SYN2: variants seen among roughly 807,000 people sequenced by gnomAD.
SYN2 encodes synapsin-2.
Under a neutral mutation model 50.9 loss-of-function variants are expected in SYN2, and 19 were observed. The observed-to-expected ratio is 0.37, with a 90% confidence interval of 0.26 to 0.55. SYN2 has a LOEUF of 0.55. SYN2 is among the 20% of genes least tolerant of loss of function. The pLI is 0.81. For missense variants in SYN2, 587 were observed against 576.4 expected (o/e 1.02, Z -0.19); for synonymous variants, 255 against 224.9 (o/e 1.13, Z -1.20).
rs1466550267 is a variant in SYN2, at chr3:12,190,892, G to A, written c.*267G>A. 1.1e-5 allele frequency: 13 copies of A among 1,205,618 alleles called. 1 individual carries two copies. The highest frequency in any genetic ancestry group is 4.8e-5 in the African/African-American group (3 of 62,658). The allele number at this position is 1,205,618 out of a possible 1,614,324, so 74.7% of individuals were successfully genotyped here. On this transcript the variant is annotated 3_prime_UTR_variant, in exon 13 of 13. Coordinates refer to ENST00000621198, the MANE Select transcript of SYN2 (RefSeq NM_133625.6). ...ATGAGAGCTTCCTTCTGAAGTCATC[G>A]TTCGCTGTGAGTTTAGTGGCCTTAT...
chr3:12,118,780 A>C (rs575845953), intron 1 of SYN2, among the ~76,000 whole-genome samples: 5 of 152,332 alleles, frequency 3.3e-5, no homozygotes, highest in African/African-American at 1.2e-4. Flanking sequence ...TAAAAATATA[A>C]TGCAAATTGC....
chr3:12,030,880 C>CA (rs1222729783), intron 1 of SYN2, among the ~76,000 whole-genome samples: 1 of 134,592 alleles, frequency 7.4e-6, no homozygotes, highest in African/African-American at 2.8e-5. Context: ...CTATTTCCTT[C>CA]AGTTCTTCTC....
chr3:12,145,695 T>A lies in SYN2; in HGVS notation c.544T>A (p.Phe182Ile). ...TCTCACCAGGTCCTTCCGGCCAGAC[T>A]TCGTGCTCATCCGGCAGCATGCATT... ...TKVVRSFRPD[F>I]VLIRQHAFGM... is the part of the protein sequence containing the mutation. Residue 182 changes from phenylalanine (F) to isoleucine (I), a missense_variant, in exon 4 of 13, where the codon TTC becomes ATC. Phe to Ile is a conservative substitution (Grantham distance 21, BLOSUM62 0). Transcript: ENST00000621198. 2 of 1,614,012 alleles carry A rather than the reference T, an allele frequency of 1.2e-6. No individual in the cohort carries two copies. The highest frequency in any genetic ancestry group is 1.7e-6 in the Non-Finnish European group (2 of 1,179,868).
intron 1 of SYN2, among the ~76,000 whole-genome samples, chr3:12,028,174 T>C (rs1314800631): frequency 1.3e-5 from 2 of 151,376 alleles, no homozygotes; most frequent in Non-Finnish European, 2.9e-5. Flanking sequence ...TGGTTTCCAA[T>C]TTCATCCATG....
intron 1 of SYN2, among the ~76,000 whole-genome samples, chr3:12,026,548 A>C (rs1694261315): frequency 1.3e-5 from 2 of 152,206 alleles, no homozygotes; most frequent in Admixed American, 1.3e-4. Flanking sequence ...TTAAAGGAAG[A>C]ATAGAAGTTC....
At chr3:12,135,235 G>A (rs1490418514) in intron 1 of SYN2, among the ~76,000 whole-genome samples, 1 of 152,188 alleles carries the variant, frequency 6.6e-6, no homozygotes, top group African/African-American at 2.4e-5. Context: ...GGTGGCGGCC[G>A]GCGCTCACAA....
Position 12,004,915 on chromosome 3 carries a change from C to T in SYN2, c.364C>T (p.Pro122Ser). ...KAKVLLVVDE[P>S]HADWAKCFRG... Reference sequence around the variant, plus strand: ...CAAGGTGCTGCTGGTGGTCGACGAGCCGCACGCCGACTGGTAGGTGCCGGG... The same window carrying T: ...CAAGGTGCTGCTGGTGGTCGACGAGTCGCACGCCGACTGGTAGGTGCCGGG... Residue 122 changes from proline to serine, a missense_variant, in exon 1 of 13, where the codon CCG becomes TCG. Transcript: ENST00000621198. 3.5e-6 allele frequency: 2 copies of T among 572,128 alleles called. No individual in the cohort carries two copies. The highest frequency in any genetic ancestry group is 3.0e-5 in the Admixed American group (1 of 33,216). 35.4% of individuals were successfully genotyped at this position (572,128 alleles called of 1,614,324 possible). A position where few individuals can be genotyped will look rare whatever the true frequency, so the allele number is the denominator to read the frequency against.
At chr3:12,123,274 A>G (rs1696600635) in intron 1 of SYN2, among the ~76,000 whole-genome samples, 1 of 152,226 alleles carries the variant, frequency 6.6e-6, no homozygotes, top group African/African-American at 2.4e-5. Flanking sequence ...AGCCAGATCT[A>G]GACACGTCGT....
At chr3:12,099,588 A>T (rs897993128) in intron 1 of SYN2, among the ~76,000 whole-genome samples, 71 of 152,158 alleles carry the variant, frequency 4.7e-4, no homozygotes, top group Admixed American at 4.6e-3. Context: ...GCCTATATTG[A>T]AAAAGAAGGA....
At chr3:12,185,558 T>C (rs1282984116) in intron 11 of SYN2, 7 of 985,904 alleles carry the variant, frequency 7.1e-6, no homozygotes, top group East Asian at 2.3e-4. Context: ...TGTCACAGTA[T>C]AGGATTGCCA....
rs1200004987 is a variant in SYN2, at chr3:12,190,581, A to G, written c.1705A>G (p.Ile569Val). 1 of 1,613,296 alleles carries G rather than the reference A, an allele frequency of 6.2e-7. No homozygotes were observed. The highest frequency in any genetic ancestry group is 1.1e-5 in the South Asian group (1 of 90,930). Residue 569 changes from isoleucine (I) to valine (V), a missense_variant, in exon 13 of 13, where the codon ATC (isoleucine) becomes GTC (valine). Physicochemically the swap from Ile to Val is conservative, Grantham distance 29. Transcript: ENST00000621198. ...ANEDEAKAET[I>V]RSLRKSFASL... is the part of the protein sequence containing the mutation. ...TGAGGATGAAGCCAAAGCAGAGACC[A>G]TCCGGAGCTTGAGGAAGTCCTTTGC...
chr3:12,127,536 C>G (rs1696696779), intron 1 of SYN2, among the ~76,000 whole-genome samples: 1 of 152,300 alleles, frequency 6.6e-6, no homozygotes, highest in East Asian at 1.9e-4. Context: ...ATGACTCTTC[C>G]AGAACAGTGC....
At position 12,036,581 on chromosome 3, in the gene SYN2, G is replaced by A. The variant is rs138562127; in HGVS notation, c.377+31653G>A. Among the ~76,000 whole-genome samples the A allele has an allele frequency of 9.2e-5, 14 of 152,266 alleles. No homozygotes were observed. In the East Asian group the frequency reaches 1.9e-3, roughly 21 times the overall value. On this transcript the variant is annotated intron_variant, in intron 1 of 12. Transcript: ENST00000621198. The stretch of plus-strand genomic sequence containing the variant: ...GAGGCAGTAAGTCCACTGAGGGTGT[G>A]CCAGGCATAGTGAGGAAACCATTCT...
chr3:12,154,499 G>C, intron 5 of SYN2: 3 of 1,604,870 alleles, frequency 1.9e-6, no homozygotes, highest in Non-Finnish European at 2.6e-6. Context: ...TCTTCTCCTG[G>C]AGCCCCAGGG....
chr3:12,133,844 T>C (rs1443731320), intron 1 of SYN2, among the ~76,000 whole-genome samples: 1 of 152,222 alleles, frequency 6.6e-6, no homozygotes, highest in Non-Finnish European at 1.5e-5. Flanking sequence ...TTAATTTTGT[T>C]TGGTGAGACA....
chr3:12,125,022 CT>C (rs1331614204), intron 1 of SYN2, among the ~76,000 whole-genome samples: 4 of 147,020 alleles, frequency 2.7e-5, no homozygotes, highest in African/African-American at 2.5e-5. Flanking sequence ...GAGGATTTTT[CT>C]TTTTTTTTTG....
At chr3:12,028,022 C>CCCTCCCT (rs1559390900) in intron 1 of SYN2, among the ~76,000 whole-genome samples, 6 of 6,304 alleles carry the variant, frequency 9.5e-4, no homozygotes, top group Admixed American at 8.5e-3. Flanking sequence ...TTTTTTCTTT[C>CCCTCCCT]CCTCCCCCCT....
At chr3:12,142,023 A>G (rs770551267) in intron 3 of SYN2, 27 bp downstream of exon 3, 4 of 780,234 alleles carry the variant, frequency 5.1e-6, no homozygotes, top group Non-Finnish European at 9.6e-6. Flanking sequence ...CCTCAGGATC[A>G]TTGTGACTGT....
At chr3:12,078,416 C>T (rs916364222) in intron 1 of SYN2, among the ~76,000 whole-genome samples, 1 of 152,112 alleles carries the variant, frequency 6.6e-6, no homozygotes, top group Non-Finnish European at 1.5e-5. Context: ...AAATTTTCTT[C>T]CAGGGATTTT....
Sources: allele counts gnomAD v4.1 joint callset (sites outside exome capture counted in the v4.1 genomes callset), GRCh38; gene constraint gnomAD v4.1.1; transcripts MANE v1.5; gene names NCBI Gene and HGNC (gene_info 2026-07-23, HGNC 2026-07-21).